The following KDM5A variants were observed in gnomAD, a reference collection of about 807,000 sequenced individuals.
KDM5A encodes lysine demethylase 5A.
Under a neutral mutation model 193.5 loss-of-function variants are expected in KDM5A, and 42 were observed. The ratio of observed to expected loss-of-function variants is 0.22; its 90% CI spans 0.17 to 0.28. The LOEUF (loss-of-function observed/expected upper bound fraction) is 0.28, where lower values mean the gene tolerates loss of function less well. KDM5A is among the 10% of genes least tolerant of loss of function. The pLI, the probability that KDM5A is intolerant of heterozygous loss-of-function variation, is 1.00. For synonymous variants in KDM5A, 796 were observed against 718.1 expected (o/e 1.11, Z -1.73); for missense variants, 1,692 against 2,055.1 (o/e 0.82, Z 3.42).
At chr12:324,287 G>A (rs1943757253) in intron 14 of KDM5A, among the ~76,000 whole-genome samples, 1 of 151,952 alleles carries the variant, frequency 6.6e-6, no homozygotes, top group South Asian at 2.1e-4. Context: ...GACATAGCAA[G>A]ACCCTGTCTC....
intron 18 of KDM5A, among the ~76,000 whole-genome samples, chr12:320,204 A>G (rs1260508456): frequency 6.6e-6 from 1 of 152,180 alleles, no homozygotes; most frequent in Non-Finnish European, 1.5e-5. Flanking sequence ...ACCTTGATAA[A>G]AACTATTTTA....
rs187344920 is a variant in KDM5A, at chr12:363,202, C to T, written c.538-105G>A. 1.7e-4 allele frequency: 217 copies of T among 1,295,814 alleles called. 3 individuals carry two copies. In the African/African-American group the frequency reaches 2.1e-3, roughly 12 times the overall value. 80.3% of individuals were successfully genotyped at this position (1,295,814 alleles called of 1,614,324 possible). On this transcript the variant is annotated intron_variant, in intron 4 of 27. Transcript: ENST00000399788. ...TGCCAATGAATCCCTAAAACTAGAC[C>T]GCAATTATTTCTCAAACTGACATAC...
rs1394217692 is a variant in KDM5A at position 284,124 on chromosome 12, A to G, written c.*1332T>C. 4.3e-6 allele frequency: 1 copy of G among 231,380 alleles called. No homozygotes were observed. Among genetic ancestry groups the G allele is most frequent in the African/African-American group, 2.2e-5 (1 of 45,020 alleles). 14.3% of individuals were successfully genotyped at this position (231,380 alleles called of 1,614,324 possible). On this transcript the variant is annotated 3_prime_UTR_variant, in exon 28 of 28. Coordinates refer to ENST00000399788, the MANE Select transcript of KDM5A (RefSeq NM_001042603.3). Reference sequence around the variant, plus strand: ...TAACTCCTTGTACTACAAAGAAGGAATGGGATTTTTTTTTTTAAAGCAAAA... The same window carrying G: ...TAACTCCTTGTACTACAAAGAAGGAGTGGGATTTTTTTTTTTAAAGCAAAA...
intron 1 of KDM5A, 23 bp downstream of exon 1, chr12:388,903 CT>C: frequency 6.2e-7 from 1 of 1,613,744 alleles, no homozygotes; most frequent in Non-Finnish European, 8.5e-7. Context: ...CCTTCTCCCC[CT>C]CTCTCTTCAC....
chr12:294,425 C>T (rs912623538), intron 26 of KDM5A, among the ~76,000 whole-genome samples: 9 of 152,098 alleles, frequency 5.9e-5, no homozygotes, highest in African/African-American at 1.9e-4. Flanking sequence ...CAGCAGAATC[C>T]AAAAGAACAC....
intron 17 of KDM5A, among the ~76,000 whole-genome samples, chr12:321,591 G>C (rs995432772): frequency 6.6e-6 from 1 of 152,074 alleles, no homozygotes; most frequent in African/African-American, 2.4e-5. Flanking sequence ...TCTAAGAAAA[G>C]TTATCTAACA....
chr12:357,298 CT>C (rs1380124619), intron 5 of KDM5A, among the ~76,000 whole-genome samples: 4 of 150,352 alleles, frequency 2.7e-5, no homozygotes, highest in African/African-American at 9.8e-5. Context: ...AATGGGAAAG[CT>C]TCTCCCAGCC....
chr12:309,113 C>A (rs184324602), intron 22 of KDM5A, among the ~76,000 whole-genome samples: 1 of 152,096 alleles, frequency 6.6e-6, no homozygotes, highest in African/African-American at 2.4e-5. Flanking sequence ...TTATTACTTA[C>A]AATAAGAAAC....
intron 14 of KDM5A, among the ~76,000 whole-genome samples, chr12:326,600 G>A (rs374869037): frequency 5.3e-5 from 8 of 152,268 alleles, no homozygotes; most frequent in East Asian, 1.9e-4. Flanking sequence ...GGCGGCTCAC[G>A]CCTGTAATCC....
chr12:328,317 G>T (rs1252806866), intron 14 of KDM5A, among the ~76,000 whole-genome samples: 2 of 152,146 alleles, frequency 1.3e-5, no homozygotes, highest in Non-Finnish European at 1.5e-5. Context: ...GGAAATATTA[G>T]AACAGGCCAA....
At chr12:335,472 C>T (rs1232287535) in intron 10 of KDM5A, among the ~76,000 whole-genome samples, 1 of 152,096 alleles carries the variant, frequency 6.6e-6, no homozygotes, top group Non-Finnish European at 1.5e-5. Context: ...GCTATCATAA[C>T]AGATTGAATG....
At position 300,936 on chromosome 12, in the gene KDM5A, T is replaced by C. The variant is rs529340650; in HGVS notation, c.4075-3736A>G. Among the ~76,000 whole-genome samples, 4 of 152,200 alleles carry C rather than the reference T, an allele frequency of 2.6e-5. No individual in the cohort carries two copies. In the East Asian group the frequency reaches 7.7e-4, roughly 29 times the overall value. On this transcript the variant is annotated intron_variant, in intron 24 of 27. Coordinates refer to ENST00000399788, the MANE Select transcript of KDM5A (RefSeq NM_001042603.3). ...AATAAACTAGAAAATCTAGAAGAAATGGATAAATTCCTGGACACATACAGC... is the reference window on the plus strand; with the variant it reads ...AATAAACTAGAAAATCTAGAAGAAACGGATAAATTCCTGGACACATACAGC...
Position 307,216 on chromosome 12 carries a change from G to T in KDM5A, c.3931-127C>A. 1.7e-6 allele frequency: 2 copies of T among 1,162,718 alleles called. No individual in the cohort carries two copies. Among genetic ancestry groups the T allele is most frequent in the Non-Finnish European group, 1.3e-6 (1 of 793,550 alleles). The allele number at this position is 1,162,718 out of a possible 1,614,324, so 72.0% of individuals were successfully genotyped here. ...GGCTAACAGAGTTCTTCAACAGTTA[G>T]TAGAAATCAAATTATTTGATTATGA... On this transcript the variant is annotated intron_variant, in intron 23 of 27. Coordinates refer to ENST00000399788, the MANE Select transcript of KDM5A (RefSeq NM_001042603.3). This position sits in a 1 kb window ranked among gnomAD's most constrained non-coding sequence, Gnocchi z 4.3.
chr12:282,519 G>C lies in KDM5A; in HGVS notation c.*2937C>G, dbSNP rs2137350384. ...ATCAGGAAGCAAAATAAACATCTGT[G>C]GAAGAAAAATCTCCTGTCTTCTCCC... On this transcript the variant is annotated 3_prime_UTR_variant, in exon 28 of 28. Transcript: ENST00000399788. 1 of 233,096 alleles carries C rather than the reference G, an allele frequency of 4.3e-6. No individual in the cohort carries two copies. The highest frequency in any genetic ancestry group is 8.5e-6 in the Non-Finnish European group (1 of 117,954). The allele number at this position is 233,096 out of a possible 1,614,324, so 14.4% of individuals were successfully genotyped here. A position where few individuals can be genotyped will look rare whatever the true frequency, so the allele number is the denominator to read the frequency against.
At position 363,246 on chromosome 12, in the gene KDM5A, C is replaced by G. The variant is rs1944314925; in HGVS notation, c.538-149G>C. 1.2e-5 allele frequency: 10 copies of G among 849,756 alleles called. No individual in the cohort carries two copies. The South Asian group carries it at 1.6e-4, about 13-fold the overall frequency. The allele number at this position is 849,756 out of a possible 1,614,324, so 52.6% of individuals were successfully genotyped here. On this transcript the variant is annotated intron_variant, in intron 4 of 27. Coordinates refer to ENST00000399788, the MANE Select transcript of KDM5A (RefSeq NM_001042603.3). ...GACATACAGCTATCCCTACCAAAATCCTGGCAGGCTTTTTGTTGTTGTTAA... is the reference window on the plus strand; with the variant it reads ...GACATACAGCTATCCCTACCAAAATGCTGGCAGGCTTTTTGTTGTTGTTAA...
intron 4 of KDM5A, 141 bp downstream of exon 4, chr12:365,793 C>T: frequency 1.5e-6 from 1 of 672,374 alleles, no homozygotes; most frequent in East Asian, 2.6e-5. Context: ...CCATCAAAAA[C>T]AGCTATGATT....
chr12:343,325 A>G (rs1944030956), intron 10 of KDM5A, among the ~76,000 whole-genome samples: 1 of 152,120 alleles, frequency 6.6e-6, no homozygotes, highest in Non-Finnish European at 1.5e-5. Context: ...CTGCCTCTAG[A>G]CTCCACCTCT....
At position 318,377 on chromosome 12, in the gene KDM5A, T is replaced by C; in HGVS notation, c.2626A>G (p.Met876Val). The C allele has an allele frequency of 6.2e-7, 1 of 1,614,168 alleles. No individual in the cohort carries two copies. The highest frequency in any genetic ancestry group is 8.5e-7 in the Non-Finnish European group (1 of 1,180,010). The change falls in exon 19 of 28, where the codon ATG becomes GTG. Residue 876 changes from methionine (M) to valine (V), a missense_variant. By Grantham distance (21) the Met-to-Val change is conservative (BLOSUM62 1). Transcript: ENST00000399788. ...DETPDSSKLQ[M>V]LIDMGSSLYV... ...AGACTAGAGCCCATATCTATCAACATCTGGAGTTTGGAAGAATCTGGGGTT... is the reference window on the plus strand; with the variant it reads ...AGACTAGAGCCCATATCTATCAACACCTGGAGTTTGGAAGAATCTGGGGTT...
At chr12:384,961 G>A (rs1039456786) in intron 2 of KDM5A, among the ~76,000 whole-genome samples, 6 of 152,082 alleles carry the variant, frequency 3.9e-5, no homozygotes, top group Admixed American at 1.3e-4. Flanking sequence ...AGGCCAAGGC[G>A]GGCAGATCAC....
Sources: allele counts gnomAD v4.1 joint callset (sites outside exome capture counted in the v4.1 genomes callset), GRCh38; gene constraint gnomAD v4.1.1; non-coding constraint Gnocchi (gnomAD v3.1); transcripts MANE v1.5; gene names NCBI Gene and HGNC (gene_info 2026-07-23, HGNC 2026-07-21).